The following DOCK9 variants were observed in gnomAD, a reference collection of about 807,000 sequenced individuals.
DOCK9 encodes dedicator of cytokinesis 9, also known as dedicator of cytokinesis protein 9.
In DOCK9, 89 loss-of-function variants were observed where a neutral mutation model predicts 263.3. That is an observed-to-expected ratio of 0.34 (90% confidence interval 0.28 to 0.40). The LOEUF (loss-of-function observed/expected upper bound fraction) is 0.40, where lower values mean the gene tolerates loss of function less well. Ranked by LOEUF, DOCK9 falls within the 10% of genes least tolerant of loss-of-function variation. The pLI is 1.00. For synonymous variants in DOCK9, 976 were observed against 973.1 expected, an observed-to-expected ratio of 1.00 and a Z score of -0.06; for missense variants, 2,140 against 2,603.4, an observed-to-expected ratio of 0.82 and a Z score of 3.87.
chr13:98,826,996 A>G lies in DOCK9; in HGVS notation c.4966-109T>C, dbSNP rs557809691. 3.0e-3 allele frequency: 2,135 copies of G among 722,350 alleles called. 6 individuals carry two copies. The highest frequency in any genetic ancestry group is 4.1e-3 in the Non-Finnish European group (1,840 of 447,978). 44.7% of individuals were successfully genotyped at this position (722,350 alleles called of 1,614,324 possible). ...GTATGAACGTATATATTAGATCTCAATGCACCAGCTAGTATTTCTAATAGC... is the reference window on the plus strand; with the variant it reads ...GTATGAACGTATATATTAGATCTCAGTGCACCAGCTAGTATTTCTAATAGC... On this transcript the variant is annotated intron_variant, in intron 43 of 52. Transcript: ENST00000682017.
intron 1 of DOCK9, among the ~76,000 whole-genome samples, chr13:98,989,872 C>T (rs189445083): frequency 1.3e-5 from 2 of 152,336 alleles, no homozygotes; most frequent in Admixed American, 6.5e-5. Context: ...CCCACTCCTC[C>T]TTCCATGCTC....
chr13:98,898,624 T>C (rs933883064), intron 13 of DOCK9, among the ~76,000 whole-genome samples: 1 of 152,210 alleles, frequency 6.6e-6, no homozygotes, highest in African/African-American at 2.4e-5. Context: ...GGTATCCATA[T>C]CAAAATATAT....
intron 1 of DOCK9, among the ~76,000 whole-genome samples, chr13:99,034,524 T>C (rs1441187742): frequency 1.3e-5 from 2 of 152,200 alleles, no homozygotes; most frequent in Non-Finnish European, 2.9e-5. Context: ...ATCATTAAAC[T>C]TCTGCCTCAG....
At chr13:98,835,071 A>G (rs1477863419) in intron 39 of DOCK9, among the ~76,000 whole-genome samples, 1 of 152,280 alleles carries the variant, frequency 6.6e-6, no homozygotes, top group Non-Finnish European at 1.5e-5. Flanking sequence ...CCTGAGGCAC[A>G]GAAGGCACTC....
intron 8 of DOCK9, among the ~76,000 whole-genome samples, chr13:98,915,117 T>C (rs2050676311): frequency 6.6e-6 from 1 of 152,168 alleles, no homozygotes; most frequent in Admixed American, 6.5e-5. Flanking sequence ...AAAGCTTTGG[T>C]TCTTCCCATT....
intron 1 of DOCK9, among the ~76,000 whole-genome samples, chr13:98,968,309 T>C (rs924617774): frequency 6.6e-6 from 1 of 152,194 alleles, no homozygotes; most frequent in African/African-American, 2.4e-5. Flanking sequence ...TCTTTTTACT[T>C]TAACTTGGCT....
intron 45 of DOCK9, among the ~76,000 whole-genome samples, chr13:98,816,137 A>AGTTTTCT (rs2091825849): frequency 6.6e-6 from 1 of 152,216 alleles, no homozygotes; most frequent in Admixed American, 6.5e-5. Context: ...AAATCTATAT[A>AGTTTTCT]AATAGGATTT....
chr13:99,080,285 AT>A (rs1453565410), intron 1 of DOCK9, among the ~76,000 whole-genome samples: 1 of 151,854 alleles, frequency 6.6e-6, no homozygotes, highest in Non-Finnish European at 1.5e-5. Flanking sequence ...CTGTTACTGG[AT>A]TTTCCCTTCC....
At chr13:98,890,729 T>C (rs191279564) in intron 15 of DOCK9, among the ~76,000 whole-genome samples, 5,477 of 152,302 alleles carry the variant, frequency 0.036, 169 homozygotes, top group South Asian at 0.13. Context: ...GTGTCACTCC[T>C]CAGTACATCT....
Position 98,923,335 on chromosome 13 carries a change from G to A in DOCK9, c.453C>T (p.Val151=), listed in dbSNP as rs2052385739. ...VVKLDKLPVH[V]YEVDEEVDKD... is the part of the protein sequence containing the mutation. ...TGTCGACCTCCTCGTCAACTTCATA[G>A]ACATGAACTGGAAGTTTATCCAACT... is the stretch of plus-strand genomic sequence containing the variant. The change falls in exon 5 of 53, where the codon GTC becomes GTT. Residue 151 remains valine (V), a synonymous_variant. Coordinates refer to ENST00000682017, the MANE Select transcript of DOCK9 (RefSeq NM_001366683.2). The A allele has an allele frequency of 6.2e-7, 1 of 1,613,902 alleles. No individual in the cohort carries two copies. Among genetic ancestry groups the A allele is most frequent in the Admixed American group, 1.7e-5 (1 of 60,018 alleles).
At chr13:98,947,421 AT>A (rs2056856030) in intron 2 of DOCK9, among the ~76,000 whole-genome samples, 1 of 151,222 alleles carries the variant, frequency 6.6e-6, no homozygotes, top group Non-Finnish European at 1.5e-5. Context: ...AAAAAAAAAA[AT>A]CAATCACTAT....
intron 1 of DOCK9, among the ~76,000 whole-genome samples, chr13:99,058,809 C>T (rs905305671): frequency 3.3e-5 from 5 of 152,200 alleles, no homozygotes; most frequent in South Asian, 2.1e-4. Context: ...CAGCCACACA[C>T]GAGCCCTGCT....
chr13:99,057,513 T>C (rs916524675), intron 1 of DOCK9, among the ~76,000 whole-genome samples: 6 of 152,198 alleles, frequency 3.9e-5, no homozygotes, highest in Non-Finnish European at 7.3e-5. Context: ...AGGGACAACC[T>C]TGCATTTGGA....
chr13:98,820,155 A>C (rs536135408), intron 45 of DOCK9, among the ~76,000 whole-genome samples: 98 of 152,338 alleles, frequency 6.4e-4, no homozygotes, highest in Non-Finnish European at 9.3e-4. Flanking sequence ...ATCAATACCT[A>C]CACTTGTTTT....
intron 2 of DOCK9, among the ~76,000 whole-genome samples, chr13:98,952,353 A>G (rs1486005698): frequency 6.6e-6 from 1 of 151,924 alleles, no homozygotes; most frequent in Non-Finnish European, 1.5e-5. Context: ...CTCCTGCCTC[A>G]GCCTCCCGAG....
chr13:98,814,730 G>A (rs2091652094), intron 45 of DOCK9, among the ~76,000 whole-genome samples: 1 of 151,978 alleles, frequency 6.6e-6, no homozygotes. Flanking sequence ...CTTGAGCTCA[G>A]GGGTTCAAGA....
intron 43 of DOCK9, among the ~76,000 whole-genome samples, chr13:98,828,696 G>A (rs972230663): frequency 3.3e-5 from 5 of 152,270 alleles, no homozygotes; most frequent in African/African-American, 1.2e-4. Context: ...ACAGCCAATT[G>A]TTTTCTTCAA....
chr13:98,845,440 G>T, intron 38 of DOCK9: 1 of 1,137,312 alleles, frequency 8.8e-7, no homozygotes, highest in Non-Finnish European at 1.2e-6. Flanking sequence ...TGATTCATGG[G>T]CTTTATGTTT....
At chr13:99,058,850 T>C (rs576574540) in intron 1 of DOCK9, among the ~76,000 whole-genome samples, 1 of 152,134 alleles carries the variant, frequency 6.6e-6, no homozygotes, top group Non-Finnish European at 1.5e-5. Context: ...CCCATGGCCC[T>C]TACCAAAGCC....
Sources: allele counts gnomAD v4.1 joint callset (sites outside exome capture counted in the v4.1 genomes callset), GRCh38; gene constraint gnomAD v4.1.1; transcripts MANE v1.5; gene names NCBI Gene and HGNC (gene_info 2026-07-23, HGNC 2026-07-21).